Variants in KCNMB2 observed in about 807,000 individuals in gnomAD.
KCNMB2 encodes calcium-activated potassium channel subunit beta-2.
Under a neutral mutation model 24.5 loss-of-function variants are expected in KCNMB2, and 9 were observed. The ratio of observed to expected loss-of-function variants is 0.37; its 90% CI spans 0.22 to 0.64. The LOEUF is 0.64. KCNMB2 is among the 30% of genes least tolerant of loss of function. KCNMB2 has a pLI of 0.63. For synonymous variants in KCNMB2, 109 were observed against 104.4 expected, an observed-to-expected ratio of 1.04 and a Z score of -0.27; for missense variants, 226 against 284.3, an observed-to-expected ratio of 0.79 and a Z score of 1.47.
chr3:178,698,904 A>G (rs1721981670), intron 1 of KCNMB2, among the ~76,000 whole-genome samples: 1 of 152,240 alleles, frequency 6.6e-6, no homozygotes, highest in Non-Finnish European at 1.5e-5. Context: ...CCCAACTGCT[A>G]GACTGCATGC....
At chr3:178,539,241 C>T (rs1300654129) in intron 1 of KCNMB2, among the ~76,000 whole-genome samples, 2 of 151,922 alleles carry the variant, frequency 1.3e-5, no homozygotes, top group Non-Finnish European at 2.9e-5. Context: ...ATAAAGCTTC[C>T]AAAAATATTT....
intron 1 of KCNMB2, among the ~76,000 whole-genome samples, chr3:178,669,515 C>T (rs910621951): frequency 6.6e-6 from 1 of 152,072 alleles, no homozygotes; most frequent in Admixed American, 6.6e-5. Flanking sequence ...GTCATGGGAA[C>T]AATACTGTAA....
intron 1 of KCNMB2, among the ~76,000 whole-genome samples, chr3:178,686,094 G>C (rs968782517): frequency 5.3e-5 from 8 of 152,120 alleles, no homozygotes; most frequent in Non-Finnish European, 8.8e-5. Flanking sequence ...CCATACTTTT[G>C]CAAATAGTAA....
At chr3:178,734,985 C>T (rs577729527) in intron 1 of KCNMB2, among the ~76,000 whole-genome samples, 7 of 152,346 alleles carry the variant, frequency 4.6e-5, no homozygotes, top group East Asian at 1.9e-4. Context: ...TCAATATCCT[C>T]ATCATGATTT....
At chr3:178,784,260 A>G (rs1184892599) in intron 1 of KCNMB2, among the ~76,000 whole-genome samples, 1 of 152,192 alleles carries the variant, frequency 6.6e-6, no homozygotes, top group African/African-American at 2.4e-5. Flanking sequence ...TGTTGGAGGT[A>G]GCTATTACAA....
intron 1 of KCNMB2, among the ~76,000 whole-genome samples, chr3:178,743,269 T>C (rs955545751): frequency 7.9e-5 from 12 of 152,130 alleles, no homozygotes; most frequent in Admixed American, 2.6e-4. Flanking sequence ...ACTGTAGAAA[T>C]GGTACACATA....
At chr3:178,802,148 G>T (rs1481710475) in intron 1 of KCNMB2, among the ~76,000 whole-genome samples, 1 of 152,112 alleles carries the variant, frequency 6.6e-6, no homozygotes, top group African/African-American at 2.4e-5. Flanking sequence ...AAACAACTCA[G>T]TTCCTAAGGA....
chr3:178,738,283 A>C (rs1337335939), intron 1 of KCNMB2, among the ~76,000 whole-genome samples: 1 of 152,088 alleles, frequency 6.6e-6, no homozygotes, highest in Non-Finnish European at 1.5e-5. Context: ...AGTCCCAGCC[A>C]CCGGCATCTC....
chr3:178,778,455 G>GACACACAC (rs71628070), intron 1 of KCNMB2, among the ~76,000 whole-genome samples: 2,226 of 127,424 alleles, frequency 0.017, 43 homozygotes, highest in East Asian at 0.053. Flanking sequence ...TACCCTTTAA[G>GACACACAC]ACACACACAC....
intron 1 of KCNMB2, among the ~76,000 whole-genome samples, chr3:178,759,158 C>A (rs1477166032): frequency 6.6e-5 from 4 of 60,270 alleles, no homozygotes; most frequent in African/African-American, 1.4e-4. Flanking sequence ...ATATATCTAT[C>A]TCCAAGAGGG....
At chr3:178,604,880 T>C (rs1718218095) in intron 1 of KCNMB2, among the ~76,000 whole-genome samples, 1 of 152,210 alleles carries the variant, frequency 6.6e-6, no homozygotes, top group Non-Finnish European at 1.5e-5. Flanking sequence ...ATCTGTAAGT[T>C]CCTGGCTAGC....
chr3:178,563,378 T>C (rs1166744193), intron 1 of KCNMB2, among the ~76,000 whole-genome samples: 1 of 152,176 alleles, frequency 6.6e-6, no homozygotes, highest in Non-Finnish European at 1.5e-5. Flanking sequence ...GTTGTTTCTG[T>C]GGTGGGTAGC....
intron 1 of KCNMB2, among the ~76,000 whole-genome samples, chr3:178,677,412 G>T (rs1721107179): frequency 1.3e-5 from 2 of 152,166 alleles, no homozygotes. Context: ...CATGAGGAGG[G>T]ACTCACACAG....
At chr3:178,771,013 C>G (rs1239872481) in intron 1 of KCNMB2, among the ~76,000 whole-genome samples, 1 of 152,288 alleles carries the variant, frequency 6.6e-6, no homozygotes, top group Non-Finnish European at 1.5e-5. Flanking sequence ...TGCACAAAAT[C>G]TAGTCAGTTA....
intron 1 of KCNMB2, among the ~76,000 whole-genome samples, chr3:178,639,410 T>C (rs1274914898): frequency 2.6e-5 from 4 of 152,174 alleles, no homozygotes; most frequent in African/African-American, 7.2e-5. Context: ...GTACTGTCCA[T>C]TGGCTGTGGA....
chr3:178,797,372 C>G (rs1467075194), intron 1 of KCNMB2, among the ~76,000 whole-genome samples: 2 of 152,098 alleles, frequency 1.3e-5, no homozygotes, highest in African/African-American at 2.4e-5. Context: ...GGAACACTTC[C>G]AAACTCTGTC....
At chr3:178,759,732 ATATATAT>A (rs1431153035) in intron 1 of KCNMB2, among the ~76,000 whole-genome samples, 2 of 55,318 alleles carry the variant, frequency 3.6e-5, no homozygotes, top group Non-Finnish European at 6.8e-5. Context: ...ATATACACAT[ATATATAT>A]CCAAGAGGAT....
intron 1 of KCNMB2, among the ~76,000 whole-genome samples, chr3:178,718,898 C>T (rs1284028597): frequency 6.6e-6 from 1 of 152,062 alleles, no homozygotes. Context: ...TTTGGAAGCC[C>T]AAGTCTAATG....
Position 178,616,785 on chromosome 3 carries a change from G to A in KCNMB2, c.-68+80074G>A, listed in dbSNP as rs1158882098. On this transcript the variant is annotated intron_variant, in intron 1 of 4. Coordinates refer to ENST00000452583, the MANE Select transcript of KCNMB2 (RefSeq NM_181361.3). The stretch of plus-strand genomic sequence containing the variant: ...GGGGTTGGTTTTATAATCCCATTTC[G>A]TAGATGGAAAAACAAAAAGGGAGTA... Among the ~76,000 whole-genome samples, 18 of 152,146 alleles carry A rather than the reference G, an allele frequency of 1.2e-4. No individual in the cohort carries two copies. The South Asian group carries it at 1.2e-3, about 11-fold the overall frequency.
Sources: allele counts gnomAD v4.1 joint callset (sites outside exome capture counted in the v4.1 genomes callset), GRCh38; gene constraint gnomAD v4.1.1; transcripts MANE v1.5; gene names NCBI Gene and HGNC (gene_info 2026-07-23, HGNC 2026-07-21).